The following PDE7B variants were observed in gnomAD, a reference collection of about 807,000 sequenced individuals.
The protein encoded by PDE7B is phosphodiesterase 7B.
Under a neutral mutation model 56.2 loss-of-function variants are expected in PDE7B, and 29 were observed. That is an observed-to-expected ratio of 0.52 (90% confidence interval 0.38 to 0.70). The LOEUF (loss-of-function observed/expected upper bound fraction) is 0.70, where lower values mean the gene tolerates loss of function less well. PDE7B is among the 30% of genes least tolerant of loss of function. The pLI is 0.00. For synonymous variants in PDE7B, 197 were observed against 196.9 expected (o/e 1.00, Z 0.00); for missense variants, 490 against 565.0 (o/e 0.87, Z 1.35).
At chr6:136,150,737 A>G (rs1036126663) in intron 5 of PDE7B, among the ~76,000 whole-genome samples, 4 of 152,216 alleles carry the variant, frequency 2.6e-5, no homozygotes, top group Non-Finnish European at 4.4e-5. Flanking sequence ...ATAGGCTGTG[A>G]CTATCAAGCA....
intron 1 of PDE7B, among the ~76,000 whole-genome samples, chr6:135,943,836 G>A (rs1267643513): frequency 6.6e-6 from 1 of 152,198 alleles, no homozygotes; most frequent in Non-Finnish European, 1.5e-5. Flanking sequence ...TATGGTCTCT[G>A]AGGGCAACAA....
chr6:136,052,111 T>C (rs1334922997), intron 2 of PDE7B, among the ~76,000 whole-genome samples: 1 of 151,052 alleles, frequency 6.6e-6, no homozygotes, highest in Non-Finnish European at 1.5e-5. Context: ...CCAAAAAGAC[T>C]TGTAAGCTTA....
At chr6:136,044,123 A>G (rs528085441) in intron 2 of PDE7B, 1 of 152,296 alleles carries the variant, frequency 6.6e-6, no homozygotes, top group South Asian at 2.1e-4. Flanking sequence ...CTCGTATGCT[A>G]GCCCCTTCAT....
intron 3 of PDE7B, among the ~76,000 whole-genome samples, chr6:136,120,910 C>T (rs549311878): frequency 6.6e-6 from 1 of 152,214 alleles, no homozygotes; most frequent in South Asian, 2.1e-4. Context: ...TATAGACAAG[C>T]CTACCACTAT....
At chr6:135,916,231 G>A (rs932106040) in intron 1 of PDE7B, among the ~76,000 whole-genome samples, 40 of 151,976 alleles carry the variant, frequency 2.6e-4, no homozygotes, top group Admixed American at 2.6e-3. Context: ...TGTTGTTGTT[G>A]TTGTTGTGTT....
At chr6:135,998,539 G>A (rs1775606831) in intron 2 of PDE7B, among the ~76,000 whole-genome samples, 1 of 152,062 alleles carries the variant, frequency 6.6e-6, no homozygotes, top group African/African-American at 2.4e-5. Flanking sequence ...GGCAGATCAC[G>A]AGGTCAGGAG....
In PDE7B at chr6:135,851,889, C is replaced by G; in HGVS notation, c.-110C>G. Reference sequence around the variant, plus strand: ...TTTTTTTTGTTACTTAATTATATTCCTAATCCTGGATGAAGTTGCTGGATT... The same window carrying G: ...TTTTTTTTGTTACTTAATTATATTCGTAATCCTGGATGAAGTTGCTGGATT... On this transcript the variant is annotated 5_prime_UTR_variant, in exon 1 of 13. Transcript: ENST00000308191. 2 of 688,676 alleles carry G rather than the reference C, an allele frequency of 2.9e-6. No homozygotes were observed. Among genetic ancestry groups the G allele is most frequent in the Admixed American group, 2.2e-5 (1 of 45,458 alleles). 42.7% of individuals were successfully genotyped at this position (688,676 alleles called of 1,614,324 possible).
intron 3 of PDE7B, among the ~76,000 whole-genome samples, chr6:136,114,508 T>G (rs1379178050): frequency 6.6e-6 from 1 of 152,188 alleles, no homozygotes; most frequent in Non-Finnish European, 1.5e-5. Context: ...AGCCCCATCT[T>G]AAAGATGGAG....
At chr6:136,147,608 T>G in intron 4 of PDE7B, 106 bp downstream of exon 4, 2 of 832,726 alleles carry the variant, frequency 2.4e-6, no homozygotes, top group Non-Finnish European at 1.9e-6. Flanking sequence ...AGGAGCTCTG[T>G]GACCCTGAGC....
At chr6:136,027,592 G>GA (rs1242105128) in intron 2 of PDE7B, among the ~76,000 whole-genome samples, 2 of 151,952 alleles carry the variant, frequency 1.3e-5, no homozygotes, top group Admixed American at 1.3e-4. Context: ...AAAAAAGAAT[G>GA]AAAAAAATTG....
intron 2 of PDE7B, among the ~76,000 whole-genome samples, chr6:136,011,114 T>G (rs935521521): frequency 3.3e-5 from 5 of 152,146 alleles, no homozygotes; most frequent in African/African-American, 9.7e-5. Flanking sequence ...AAAAAGAGAT[T>G]CTTAATAATG....
At chr6:135,870,950 A>G (rs1290441155) in intron 1 of PDE7B, among the ~76,000 whole-genome samples, 3 of 150,088 alleles carry the variant, frequency 2.0e-5, no homozygotes, top group Non-Finnish European at 2.9e-5. Context: ...AGTGCTGCCT[A>G]TATTATTGGA....
chr6:135,917,258 T>A (rs1401465548), intron 1 of PDE7B, among the ~76,000 whole-genome samples: 1 of 152,216 alleles, frequency 6.6e-6, no homozygotes, highest in African/African-American at 2.4e-5. Context: ...TTGTAGATTT[T>A]TACAAAAAGT....
intron 11 of PDE7B, 37 bp downstream of exon 11, chr6:136,181,360 T>G (rs370042198): frequency 4.0e-6 from 5 of 1,258,314 alleles, no homozygotes; most frequent in Admixed American, 3.4e-5. Context: ...TTCATTGCCC[T>G]GTCTTCTTTT....
At chr6:135,948,462 T>C (rs150251368) in intron 2 of PDE7B, among the ~76,000 whole-genome samples, 12 of 152,112 alleles carry the variant, frequency 7.9e-5, no homozygotes, top group African/African-American at 2.9e-4. Context: ...GTCTAGATTA[T>C]TGGTGAAAAG....
At chr6:136,150,936 T>C (rs572146092) in intron 5 of PDE7B, among the ~76,000 whole-genome samples, 2 of 152,218 alleles carry the variant, frequency 1.3e-5, no homozygotes, top group Middle Eastern at 6.8e-3. Flanking sequence ...TTCATTGTCT[T>C]TGGTGAAGGG....
intron 2 of PDE7B, among the ~76,000 whole-genome samples, chr6:135,949,525 CATA>C (rs888487363): frequency 1.3e-5 from 2 of 152,060 alleles, no homozygotes; most frequent in African/African-American, 4.8e-5. Flanking sequence ...CTACCACTGT[CATA>C]ATAATTACAG....
intron 2 of PDE7B, among the ~76,000 whole-genome samples, chr6:136,009,634 T>C (rs1348214997): frequency 6.6e-6 from 1 of 152,218 alleles, no homozygotes; most frequent in African/African-American, 2.4e-5. Context: ...TGGCTCCGTT[T>C]GTCTGTTATT....
intron 3 of PDE7B, among the ~76,000 whole-genome samples, chr6:136,144,692 C>T (rs1484996905): frequency 1.5e-5 from 2 of 135,546 alleles, no homozygotes; most frequent in Non-Finnish European, 3.4e-5. Context: ...GAAACAATAC[C>T]TAAGGCTGTC....
Sources: gnomAD v4.1 joint callset for allele counts (sites outside exome capture counted in the v4.1 genomes callset) on GRCh38, gnomAD v4.1.1 for gene constraint, MANE v1.5 for transcripts, NCBI Gene and HGNC (gene_info 2026-07-23, HGNC 2026-07-21) for gene names.